The following KSR2 variants were observed in gnomAD, a reference collection of about 807,000 sequenced individuals.
The protein encoded by KSR2 is kinase suppressor of ras 2.
Under a neutral mutation model 107.8 loss-of-function variants are expected in KSR2, and 25 were observed. The observed-to-expected ratio is 0.23, with a 90% CI of 0.17 to 0.32. KSR2 has a LOEUF of 0.32. Ranked by LOEUF, KSR2 falls within the 10% of genes least tolerant of loss-of-function variation. The pLI, the probability that KSR2 is intolerant of heterozygous loss-of-function variation, is 1.00. For missense variants in KSR2, 887 were observed against 1,268.9 expected (o/e 0.70, Z 4.57); for synonymous variants, 480 against 507.0 (o/e 0.95, Z 0.71).
chr12:117,480,828 C>T (rs1872130643), intron 16 of KSR2, among the ~76,000 whole-genome samples: 1 of 152,116 alleles, frequency 6.6e-6, no homozygotes, highest in Non-Finnish European at 1.5e-5. Flanking sequence ...GATCTGTTTG[C>T]ACACAAGTCT....
rs185571494 is a variant in KSR2, at chr12:117,516,424, T to C, written c.2219+8428A>G. Among the ~76,000 whole-genome samples the C allele has an allele frequency of 2.0e-4, 30 of 152,300 alleles. No homozygotes were observed. The East Asian group carries it at 5.6e-3, about 28-fold the overall frequency. On this transcript the variant is annotated intron_variant, in intron 14 of 19. Coordinates refer to ENST00000339824, the MANE Select transcript of KSR2 (RefSeq NM_173598.6). ...CACTGACTCCTATCATTTGGTATTA[T>C]AATAAACACAAAACACTTGCTGTTT...
intron 5 of KSR2, 102 bp downstream of exon 5, chr12:117,667,372 T>G: frequency 8.9e-7 from 1 of 1,122,938 alleles, no homozygotes; most frequent in Non-Finnish European, 1.3e-6. Context: ...GCCCTTGAGA[T>G]AAAGAAGAGA....
intron 5 of KSR2, among the ~76,000 whole-genome samples, chr12:117,641,295 C>G: frequency 6.6e-6 from 1 of 152,184 alleles, no homozygotes; most frequent in East Asian, 1.9e-4. Flanking sequence ...CAGGGTTTCA[C>G]TATGTTGGTC....
At chr12:117,949,039 A>G (rs1593396087) in intron 1 of KSR2, among the ~76,000 whole-genome samples, 1 of 152,190 alleles carries the variant, frequency 6.6e-6, no homozygotes, top group East Asian at 1.9e-4. Flanking sequence ...GGTTGCAGCG[A>G]GCTGAGATTG....
intron 5 of KSR2, among the ~76,000 whole-genome samples, chr12:117,665,204 T>G (rs887656990): frequency 2.0e-5 from 3 of 151,998 alleles, no homozygotes; most frequent in African/African-American, 7.3e-5. Flanking sequence ...GAGCCACCTT[T>G]TAATTAAGGA....
chr12:117,753,229 C>T (rs562333446), intron 4 of KSR2, among the ~76,000 whole-genome samples: 8 of 152,150 alleles, frequency 5.3e-5, no homozygotes, highest in Non-Finnish European at 8.8e-5. Context: ...TTTGTGGTTC[C>T]TAATCTCCAT....
Position 117,947,186 on chromosome 12 carries a change from GAAAAGAAAGAAAAGAAAGA to G in KSR2, c.180+20871_180+20889del, listed in dbSNP as rs1566094425. 1.3e-4 allele frequency among the ~76,000 whole-genome samples: 13 copies of G among 99,314 alleles called. 1 individual carries two copies. The highest frequency in any genetic ancestry group is 2.6e-4 in the African/African-American group (7 of 26,654). 65.2% of individuals were successfully genotyped at this position (99,314 alleles called of 152,430 possible). A position where few individuals can be genotyped will look rare whatever the true frequency, so the allele number is the denominator to read the frequency against. The stretch of plus-strand genomic sequence containing the variant: ...CTGTCAAAAGAAAGAAAGAAAGAAA[GAAAAGAAAGAAAAGAAAGA>G]AAAGAAAGAAAGAAAGAAAGAAAGA... On this transcript the variant is annotated intron_variant, in intron 1 of 19. Transcript: ENST00000339824.
intron 1 of KSR2, among the ~76,000 whole-genome samples, chr12:117,962,908 G>T (rs67325037): frequency 6.8e-4 from 101 of 149,574 alleles, no homozygotes; most frequent in Admixed American, 2.3e-3. Context: ...CACCAGGCCC[G>T]GCTTGATGGC....
intron 5 of KSR2, among the ~76,000 whole-genome samples, chr12:117,614,397 A>C (rs1156440001): frequency 6.6e-6 from 1 of 152,220 alleles, no homozygotes; most frequent in African/African-American, 2.4e-5. Flanking sequence ...GTTTATTCTA[A>C]GGATAAGATA....
intron 1 of KSR2, among the ~76,000 whole-genome samples, chr12:117,910,655 G>A (rs964539011): frequency 1.3e-5 from 2 of 152,202 alleles, no homozygotes; most frequent in Non-Finnish European, 2.9e-5. Flanking sequence ...GCTTGGAATA[G>A]CAGGGCCAGG....
intron 1 of KSR2, among the ~76,000 whole-genome samples, chr12:117,877,522 A>G (rs1311496772): frequency 6.6e-6 from 1 of 152,218 alleles, no homozygotes; most frequent in Non-Finnish European, 1.5e-5. Flanking sequence ...ATATATTCAT[A>G]ATCACAATCA....
intron 5 of KSR2, among the ~76,000 whole-genome samples, chr12:117,635,200 A>T (rs1318530464): frequency 1.3e-5 from 2 of 152,200 alleles, no homozygotes; most frequent in Non-Finnish European, 2.9e-5. Flanking sequence ...TGTCTTCCCC[A>T]CAGCCAGACT....
intron 5 of KSR2, among the ~76,000 whole-genome samples, chr12:117,628,452 G>T (rs11068586): frequency 6.6e-6 from 1 of 152,174 alleles, no homozygotes; most frequent in Non-Finnish European, 1.5e-5. Context: ...CTAATAGTCA[G>T]GTCCCTCAGC....
At chr12:117,742,371 T>G (rs1400830697) in intron 4 of KSR2, among the ~76,000 whole-genome samples, 2 of 152,234 alleles carry the variant, frequency 1.3e-5, no homozygotes, top group Admixed American at 1.3e-4. Flanking sequence ...GTTCTGATGT[T>G]GAGAATTGTA....
intron 3 of KSR2, among the ~76,000 whole-genome samples, chr12:117,828,747 C>T (rs1263344957): frequency 1.3e-5 from 2 of 152,218 alleles, no homozygotes; most frequent in Non-Finnish European, 2.9e-5. Context: ...ATCCATACCA[C>T]CTGGATGTCC....
rs538410129 is a variant in KSR2, at chr12:117,736,280, A to G, written c.986+24731T>C. Among the ~76,000 whole-genome samples, 51 of 152,298 alleles carry G rather than the reference A, an allele frequency of 3.3e-4. 1 individual carries two copies. The Middle Eastern group carries it at 0.014, about 41-fold the overall frequency. ...CACTCCCTTGCCTGTTCAAAAATGTAAAGTGATCAAGTCTGTAAATTTCAC... is the reference window on the plus strand; with the variant it reads ...CACTCCCTTGCCTGTTCAAAAATGTGAAGTGATCAAGTCTGTAAATTTCAC... On this transcript the variant is annotated intron_variant, in intron 4 of 19. Coordinates refer to ENST00000339824, the MANE Select transcript of KSR2 (RefSeq NM_173598.6).
chr12:117,607,951 G>C (rs11068569), intron 5 of KSR2, among the ~76,000 whole-genome samples: 8,120 of 152,180 alleles, frequency 0.053, 602 homozygotes, highest in African/African-American at 0.17. Context: ...GGTACCTGCC[G>C]GTCCTCAGCA....
At chr12:117,772,397 CACAA>C (rs140645356) in intron 3 of KSR2, among the ~76,000 whole-genome samples, 7,823 of 127,498 alleles carry the variant, frequency 0.061, 769 homozygotes, top group African/African-American at 0.17. Context: ...ACCAAAGACG[CACAA>C]ACACACACTC....
Position 117,607,654 on chromosome 12 carries a change from AAGGAGAGGAG to A in KSR2, c.1172-25305_1172-25296del, listed in dbSNP as rs61650091. ...CACAGACCTCCCGGAGAGGGGAGGA[AAGGAGAGGAG>A]AGGAGAGGAGAGGAGAGGAGAGGAG... On this transcript the variant is annotated intron_variant, in intron 5 of 19. Transcript: ENST00000339824. Among the ~76,000 whole-genome samples, 127 of 118,138 alleles carry A rather than the reference AAGGAGAGGAG, an allele frequency of 1.1e-3. 5 individuals carry two copies. The highest frequency in any genetic ancestry group is 3.8e-3 in the African/African-American group (99 of 26,266). The allele number at this position is 118,138 out of a possible 152,430, so 77.5% of individuals were successfully genotyped here. A position where few individuals can be genotyped will look rare whatever the true frequency, so the allele number is the denominator to read the frequency against.
Sources: gnomAD v4.1 joint callset for allele counts (sites outside exome capture counted in the v4.1 genomes callset) on GRCh38, gnomAD v4.1.1 for gene constraint, MANE v1.5 for transcripts, NCBI Gene and HGNC (gene_info 2026-07-23, HGNC 2026-07-21) for gene names.